The following FBXO28 variants were observed in gnomAD, a reference collection of about 807,000 sequenced individuals.
The protein encoded by FBXO28 is F-box protein 28.
FBXO28 carries 8 observed loss-of-function variants against 38.1 expected under a neutral mutation model. The ratio of observed to expected loss-of-function variants is 0.21; its 90% CI spans 0.12 to 0.38. The LOEUF (loss-of-function observed/expected upper bound fraction) is 0.38, where lower values mean the gene tolerates loss of function less well. FBXO28 is among the 10% of genes least tolerant of loss of function. The pLI is 1.00. For missense variants in FBXO28, 345 were observed against 460.6 expected (o/e 0.75, Z 2.30); for synonymous variants, 168 against 173.8 (o/e 0.97, Z 0.26).
At position 224,157,403 on chromosome 1, in the gene FBXO28, A is replaced by G. The variant is rs760205388; in HGVS notation, c.764A>G (p.Asn255Ser). The change falls in exon 5 of 5, where the codon AAT becomes AGT. Residue 255 changes from asparagine to serine, a missense_variant. Coordinates refer to ENST00000366862, the MANE Select transcript of FBXO28 (RefSeq NM_015176.4). ...LTTMQLFSKQNPSRQEVTKLQ... is the reference protein window; with the variant it reads ...LTTMQLFSKQSPSRQEVTKLQ... ...ACAATGCAGCTCTTCTCCAAGCAAA[A>G]TCCTTCAAGACAAGAGGTTACCAAA... 3.7e-6 allele frequency: 6 copies of G among 1,614,118 alleles called. No individual in the cohort carries two copies. Among genetic ancestry groups the G allele is most frequent in the Non-Finnish European group, 5.1e-6 (6 of 1,179,988 alleles).
At chr1:224,116,128 A>G (rs2102606034) in intron 1 of FBXO28, among the ~76,000 whole-genome samples, 1 of 152,302 alleles carries the variant, frequency 6.6e-6, no homozygotes, top group South Asian at 2.1e-4. Context: ...ACCCCCAGGA[A>G]AAGATTCTGC....
chr1:224,135,377 A>G (rs1477842840), intron 3 of FBXO28, among the ~76,000 whole-genome samples: 1 of 152,180 alleles, frequency 6.6e-6, no homozygotes, highest in Non-Finnish European at 1.5e-5. Flanking sequence ...ATAACTTCAA[A>G]GAGATTCAGT....
Position 224,158,043 on chromosome 1 carries a change from A to G in FBXO28, c.*297A>G, listed in dbSNP as rs1348781503. ...TGAAAGTAAGTTAATTTGTTTCTGC[A>G]TATATGCACATACATACGTAAGGAT... On this transcript the variant is annotated 3_prime_UTR_variant, in exon 5 of 5. Coordinates refer to ENST00000366862, the MANE Select transcript of FBXO28 (RefSeq NM_015176.4). 4.5e-6 allele frequency: 5 copies of G among 1,120,146 alleles called. No individual in the cohort carries two copies. The African/African-American group carries it at 8.1e-5, about 18-fold the overall frequency. The allele number at this position is 1,120,146 out of a possible 1,614,324, so 69.4% of individuals were successfully genotyped here. A position where few individuals can be genotyped will look rare whatever the true frequency, so the allele number is the denominator to read the frequency against.
chr1:224,142,683 C>T (rs959544556), intron 3 of FBXO28, among the ~76,000 whole-genome samples: 7 of 152,122 alleles, frequency 4.6e-5, no homozygotes, highest in Admixed American at 2.6e-4. Context: ...GGCACAGTGG[C>T]TCCCACCTGT....
At chr1:224,146,702 AT>A (rs5781350) in intron 3 of FBXO28, among the ~76,000 whole-genome samples, 13 of 110,318 alleles carry the variant, frequency 1.2e-4, no homozygotes, top group East Asian at 2.3e-4. Context: ...TAAAACTAAA[AT>A]TTTTTTTTTT....
intron 1 of FBXO28, among the ~76,000 whole-genome samples, chr1:224,129,858 C>T (rs933451621): frequency 2.0e-5 from 3 of 152,068 alleles, no homozygotes; most frequent in East Asian, 1.9e-4. Context: ...GGCGTGGTGG[C>T]GGGCACCTGT....
intron 1 of FBXO28, among the ~76,000 whole-genome samples, chr1:224,115,638 T>C (rs893936424): frequency 1.3e-5 from 2 of 152,216 alleles, no homozygotes; most frequent in African/African-American, 4.8e-5. Context: ...AATAGATATT[T>C]CACAATTGAT....
At chr1:224,127,372 T>C (rs1198899651) in intron 1 of FBXO28, among the ~76,000 whole-genome samples, 7 of 152,068 alleles carry the variant, frequency 4.6e-5, no homozygotes, top group African/African-American at 1.4e-4. Context: ...CCTCAGTCGA[T>C]TGAATGCAGA....
At position 224,148,669 on chromosome 1, in the gene FBXO28, G is replaced by GA. The variant is rs1240562426; in HGVS notation, c.517-4462dup. Among the ~76,000 whole-genome samples, 1,073 of 135,318 alleles carry GA rather than the reference G, an allele frequency of 7.9e-3. 17 individuals carry two copies. The highest frequency in any genetic ancestry group is 0.027 in the African/African-American group (975 of 36,446). 88.8% of individuals were successfully genotyped at this position (135,318 alleles called of 152,430 possible). On this transcript the variant is annotated intron_variant, in intron 3 of 4. Coordinates refer to ENST00000366862, the MANE Select transcript of FBXO28 (RefSeq NM_015176.4). ...AGAGCAAGACTCCGTCTCAAAAAAA[G>GA]AAAAAAAAAAAGAAAAGAAACACCC... is the stretch of plus-strand genomic sequence containing the variant.
In FBXO28 at chr1:224,158,171, C is replaced by CT. The variant is rs3835627; in HGVS notation, c.*435dup. 0.16 allele frequency: 142,981 copies of CT among 913,138 alleles called. 6,895 individuals carry two copies. Among genetic ancestry groups the CT allele is most frequent in the African/African-American group, 0.25 (13,906 of 55,406 alleles). 56.6% of individuals were successfully genotyped at this position (913,138 alleles called of 1,614,324 possible). The stretch of plus-strand genomic sequence containing the variant: ...TTTTTAAATGGACACTATCTTGGTT[C>CT]TTTTTTTTTTAAGTCATCTTTTTGT... On this transcript the variant is annotated 3_prime_UTR_variant, in exon 5 of 5. Coordinates refer to ENST00000366862, the MANE Select transcript of FBXO28 (RefSeq NM_015176.4).
At chr1:224,137,748 C>T (rs1357410535) in intron 3 of FBXO28, among the ~76,000 whole-genome samples, 1 of 151,774 alleles carries the variant, frequency 6.6e-6, no homozygotes, top group Non-Finnish European at 1.5e-5. Flanking sequence ...AGCCAGACAC[C>T]TGTGAGAGTG....
chr1:224,158,139 G>T lies in FBXO28; in HGVS notation c.*393G>T, dbSNP rs975642833. The T allele has an allele frequency of 4.0e-5, 40 of 990,994 alleles. No homozygotes were observed. Among genetic ancestry groups the T allele is most frequent in the Non-Finnish European group, 4.7e-5 (39 of 833,906 alleles). The allele number at this position is 990,994 out of a possible 1,614,324, so 61.4% of individuals were successfully genotyped here. A position where few individuals can be genotyped will look rare whatever the true frequency, so the allele number is the denominator to read the frequency against. ...AATGTCCTGTTCACTTGAAAGAAAAGACCTACTTTTTAAATGGACACTATC... is the reference window on the plus strand; with the variant it reads ...AATGTCCTGTTCACTTGAAAGAAAATACCTACTTTTTAAATGGACACTATC... On this transcript the variant is annotated 3_prime_UTR_variant, in exon 5 of 5. Coordinates refer to ENST00000366862, the MANE Select transcript of FBXO28 (RefSeq NM_015176.4).
chr1:224,122,874 C>A (rs1335470385), intron 1 of FBXO28, among the ~76,000 whole-genome samples: 5 of 152,132 alleles, frequency 3.3e-5, no homozygotes, highest in Non-Finnish European at 5.9e-5. Flanking sequence ...GTAGTGCCAG[C>A]AGTTCTATAA....
In FBXO28 at chr1:224,134,064, A is replaced by G; in HGVS notation, c.378-10A>G. ...TGGTTGCCTTGCTTTTATTATTATTATTATTATAGGAGAGAGTCAGAAAGG... is the reference window on the plus strand; with the variant it reads ...TGGTTGCCTTGCTTTTATTATTATTGTTATTATAGGAGAGAGTCAGAAAGG... On this transcript the variant is annotated splice_polypyrimidine_tract_variant and intron_variant, in intron 2 of 4. Coordinates refer to ENST00000366862, the MANE Select transcript of FBXO28 (RefSeq NM_015176.4). 1.4e-6 allele frequency: 2 copies of G among 1,474,212 alleles called. No homozygotes were observed. The highest frequency in any genetic ancestry group is 1.8e-6 in the Non-Finnish European group (2 of 1,115,902). The allele number at this position is 1,474,212 out of a possible 1,614,324, so 91.3% of individuals were successfully genotyped here.
chr1:224,126,890 C>T (rs1656915943), intron 1 of FBXO28, among the ~76,000 whole-genome samples: 2 of 152,022 alleles, frequency 1.3e-5, no homozygotes, highest in African/African-American at 4.8e-5. Flanking sequence ...GTTTTTATTC[C>T]CCAGAGGCAC....
chr1:224,140,861 G>A (rs1333408760), intron 3 of FBXO28, among the ~76,000 whole-genome samples: 4 of 151,610 alleles, frequency 2.6e-5, no homozygotes, highest in Non-Finnish European at 4.4e-5. Context: ...CAGGAGAATC[G>A]CTTGAACCTG....
chr1:224,116,760 T>C (rs572340101), intron 1 of FBXO28, among the ~76,000 whole-genome samples: 1 of 152,324 alleles, frequency 6.6e-6, no homozygotes, highest in African/African-American at 2.4e-5. Context: ...AAAGATTTGC[T>C]CTAGGTTGAA....
At chr1:224,155,805 G>A (rs943220239) in intron 4 of FBXO28, among the ~76,000 whole-genome samples, 1 of 152,186 alleles carries the variant, frequency 6.6e-6, no homozygotes, top group Admixed American at 6.5e-5. Flanking sequence ...ACTGTGTCCT[G>A]TGGAGACTAA....
In FBXO28 at chr1:224,114,128, A is replaced by C. The variant is rs935864073; in HGVS notation, c.-2A>C. ...GTGGGGGTAAGGAATCAAGCCCCCA[A>C]GATGGCGGCAGCGGCGGAGGAGCGG... is the stretch of plus-strand genomic sequence containing the variant. On this transcript the variant is annotated 5_prime_UTR_variant, in exon 1 of 5. Coordinates refer to ENST00000366862, the MANE Select transcript of FBXO28 (RefSeq NM_015176.4). 2 of 1,538,334 alleles carry C rather than the reference A, an allele frequency of 1.3e-6. No homozygotes were observed. The highest frequency in any genetic ancestry group is 2.5e-5 in the East Asian group (1 of 40,680).
Sources: allele counts gnomAD v4.1 joint callset (sites outside exome capture counted in the v4.1 genomes callset), GRCh38; gene constraint gnomAD v4.1.1; transcripts MANE v1.5; gene names NCBI Gene and HGNC (gene_info 2026-07-23, HGNC 2026-07-21).